The following IL10RB variants were observed in gnomAD, a reference collection of about 807,000 sequenced individuals.
The protein encoded by IL10RB is interleukin-10 receptor subunit beta.
Under a neutral mutation model 38.7 loss-of-function variants are expected in IL10RB, and 30 were observed. That is an observed-to-expected ratio of 0.78 (90% confidence interval 0.58 to 1.05). The LOEUF (loss-of-function observed/expected upper bound fraction) is 1.05, where lower values mean the gene tolerates loss of function less well. Among genes scored for constraint, IL10RB ranks in the 50% least tolerant of loss-of-function variants. The pLI is 0.00. For synonymous variants in IL10RB, 142 were observed against 145.9 expected (o/e 0.97, Z 0.19); for missense variants, 328 against 397.1 (o/e 0.83, Z 1.48).
intron 6 of IL10RB, among the ~76,000 whole-genome samples, chr21:33,295,020 A>G (rs937509149): frequency 6.6e-6 from 1 of 152,244 alleles, no homozygotes; most frequent in African/African-American, 2.4e-5. Flanking sequence ...CTGATAGAGC[A>G]TATTGCAAGC....
chr21:33,268,566 T>A, intron 2 of IL10RB, 49 bp downstream of exon 2: 3 of 1,339,630 alleles, frequency 2.2e-6, no homozygotes, highest in South Asian at 1.2e-5. Context: ...GAGCCAGCCC[T>A]GGGCTGGTCA....
At chr21:33,279,514 A>G (rs1054009664) in intron 3 of IL10RB, among the ~76,000 whole-genome samples, 1 of 152,244 alleles carries the variant, frequency 6.6e-6, no homozygotes, top group Non-Finnish European at 1.5e-5. Flanking sequence ...CAAATGTATC[A>G]GAAACCACAA....
chr21:33,304,865 C>T (rs1028555826), intron 1 of IL10RB, among the ~76,000 whole-genome samples: 1 of 152,180 alleles, frequency 6.6e-6, no homozygotes, highest in Non-Finnish European at 1.5e-5. Flanking sequence ...TGTGATTAGT[C>T]ATTGTCTTGT....
At chr21:33,268,935 C>T (rs1012165323) in intron 2 of IL10RB, among the ~76,000 whole-genome samples, 5 of 152,064 alleles carry the variant, frequency 3.3e-5, no homozygotes, top group Admixed American at 1.3e-4. Flanking sequence ...GGATGCTACC[C>T]AAGAAACTGA....
chr21:33,275,422 C>T (rs1244468977), intron 2 of IL10RB, among the ~76,000 whole-genome samples: 1 of 152,154 alleles, frequency 6.6e-6, no homozygotes, highest in Non-Finnish European at 1.5e-5. Flanking sequence ...TCACAAAGTG[C>T]TGGGATTACA....
At chr21:33,307,855 G>T (rs570859299) in intron 1 of IL10RB, among the ~76,000 whole-genome samples, 1 of 152,042 alleles carries the variant, frequency 6.6e-6, no homozygotes, top group South Asian at 2.1e-4. Flanking sequence ...ATTTGTCCTT[G>T]TCCACACTAG....
At chr21:33,301,430 TAAAA>T (rs948585475), downstream of IL10RB, among the ~76,000 whole-genome samples, 2 of 152,206 alleles carry the variant, frequency 1.3e-5, no homozygotes, top group African/African-American at 4.8e-5. Flanking sequence ...TGGATTGTGA[TAAAA>T]AAGATAACCG....
At chr21:33,293,653 T>C (rs1989532701) in intron 6 of IL10RB, among the ~76,000 whole-genome samples, 2 of 152,080 alleles carry the variant, frequency 1.3e-5, no homozygotes, top group Admixed American at 1.3e-4. Flanking sequence ...AAACCCTGTC[T>C]CTACTAAAAA....
chr21:33,275,405 C>T (rs1291206040), intron 2 of IL10RB, among the ~76,000 whole-genome samples: 1 of 152,118 alleles, frequency 6.6e-6, no homozygotes, highest in Non-Finnish European at 1.5e-5. Flanking sequence ...ATCCGCCCAC[C>T]TCAGACTCAC....
intron 1 of IL10RB, among the ~76,000 whole-genome samples, chr21:33,305,732 C>T (rs923910175): frequency 2.0e-5 from 3 of 152,184 alleles, no homozygotes; most frequent in African/African-American, 7.2e-5. Flanking sequence ...AGAGAGCACA[C>T]CTCATTGTCC....
chr21:33,288,613 GA>G (rs1568909915), intron 6 of IL10RB, among the ~76,000 whole-genome samples: 1 of 152,170 alleles, frequency 6.6e-6, no homozygotes, highest in Non-Finnish European at 1.5e-5. Flanking sequence ...GCTCAGTGTG[GA>G]AGAAAGAGAA....
intron 6 of IL10RB, among the ~76,000 whole-genome samples, chr21:33,289,921 T>A (rs757854193): frequency 1.9e-4 from 29 of 152,192 alleles, no homozygotes; most frequent in Non-Finnish European, 3.8e-4. Context: ...GAGACCATCC[T>A]GGCTAACATG....
At chr21:33,308,899 C>T (rs976801640) in intron 1 of IL10RB, 1 of 152,202 alleles carries the variant, frequency 6.6e-6, no homozygotes, top group Non-Finnish European at 1.5e-5. Context: ...AAACCATTGC[C>T]TTTAAGGGTG....
In IL10RB at chr21:33,288,024, A is replaced by G; in HGVS notation, c.647-80A>G. The G allele has an allele frequency of 3.0e-6, 4 of 1,331,744 alleles. No individual in the cohort carries two copies. The South Asian group carries it at 4.7e-5, about 16-fold the overall frequency. The allele number at this position is 1,331,744 out of a possible 1,614,324, so 82.5% of individuals were successfully genotyped here. ...AAACGTACAGGCTCTGTTTTCAGGG[A>G]TTGTGATGGTTAAAATGCTCTTGGG... On this transcript the variant is annotated intron_variant, in intron 5 of 6. Transcript: ENST00000290200.
chr21:33,291,865 T>C (rs1989494565), intron 6 of IL10RB, among the ~76,000 whole-genome samples: 1 of 152,146 alleles, frequency 6.6e-6, no homozygotes, highest in African/African-American at 2.4e-5. Flanking sequence ...ACAGCAGTGG[T>C]GGCTACCCAG....
downstream of IL10RB, among the ~76,000 whole-genome samples, chr21:33,299,416 T>C (rs78014628): frequency 6.6e-4 from 101 of 152,318 alleles, 3 homozygotes; most frequent in East Asian, 0.017. Context: ...AGAAAACATA[T>C]GTCCAGTTGG....
chr21:33,280,711 T>C (rs900038288), intron 4 of IL10RB, among the ~76,000 whole-genome samples: 5 of 152,336 alleles, frequency 3.3e-5, no homozygotes, highest in African/African-American at 1.2e-4. Flanking sequence ...ATATATGTTA[T>C]GTATGTCATA....
chr21:33,305,837 T>C (rs968517871), intron 1 of IL10RB, among the ~76,000 whole-genome samples: 1 of 152,088 alleles, frequency 6.6e-6, no homozygotes, highest in Non-Finnish European at 1.5e-5. Context: ...TTTTTAATTT[T>C]TAATATTTTT....
chr21:33,308,647 G>C (rs1376492747), intron 1 of IL10RB: 4 of 152,136 alleles, frequency 2.6e-5, no homozygotes, highest in Non-Finnish European at 5.9e-5. Context: ...AAAAAGAATA[G>C]GGACTGTAGG....
Sources: gnomAD v4.1 joint callset for allele counts (sites outside exome capture counted in the v4.1 genomes callset) on GRCh38, gnomAD v4.1.1 for gene constraint, MANE v1.5 for transcripts, NCBI Gene and HGNC (gene_info 2026-07-23, HGNC 2026-07-21) for gene names.